Variants in FHOD3 observed in about 807,000 individuals in gnomAD.
FHOD3 encodes formin homology 2 domain containing 3.
In FHOD3, 90 loss-of-function variants were observed where a neutral mutation model predicts 173.0. The observed-to-expected ratio is 0.52, with a 90% CI of 0.44 to 0.62. The LOEUF (loss-of-function observed/expected upper bound fraction) is 0.62, where lower values mean the gene tolerates loss of function less well. Among genes scored for constraint, FHOD3 ranks in the 20% least tolerant of loss-of-function variants. The pLI, the probability that FHOD3 is intolerant of heterozygous loss-of-function variation, is 0.00. For synonymous variants in FHOD3, 828 were observed against 823.0 expected, an observed-to-expected ratio of 1.01 and a Z score of -0.10; for missense variants, 1,945 against 2,034.7, an observed-to-expected ratio of 0.96 and a Z score of 0.85.
At chr18:36,377,657 G>A (rs1242695243) in intron 3 of FHOD3, among the ~76,000 whole-genome samples, 1 of 152,158 alleles carries the variant, frequency 6.6e-6, no homozygotes, top group Admixed American at 6.5e-5. Context: ...GTGTGCTCGG[G>A]CACCTGGCCC....
intron 14 of FHOD3, among the ~76,000 whole-genome samples, chr18:36,663,107 T>G (rs2036922342): frequency 6.6e-6 from 1 of 152,240 alleles, no homozygotes; most frequent in Non-Finnish European, 1.5e-5. Flanking sequence ...TGATTTTGTG[T>G]TCCTACTGAA....
At chr18:36,503,327 A>G (rs1274525964) in intron 4 of FHOD3, among the ~76,000 whole-genome samples, 1 of 152,132 alleles carries the variant, frequency 6.6e-6, no homozygotes, top group African/African-American at 2.4e-5. Context: ...ACTTCTTTTC[A>G]GTTCCCATCT....
At chr18:36,732,647 G>A (rs367691949) in intron 20 of FHOD3, among the ~76,000 whole-genome samples, 56 of 152,310 alleles carry the variant, frequency 3.7e-4, no homozygotes, top group African/African-American at 1.1e-3. Context: ...ACGGCAGACC[G>A]GAGCAGGGGA....
intron 3 of FHOD3, among the ~76,000 whole-genome samples, chr18:36,379,011 C>T (rs2047599713): frequency 6.6e-6 from 1 of 152,168 alleles, no homozygotes; most frequent in Non-Finnish European, 1.5e-5. Context: ...TGCTGGGAAC[C>T]ATTCAGTTCT....
intron 13 of FHOD3, among the ~76,000 whole-genome samples, chr18:36,654,808 T>C (rs1255056081): frequency 6.6e-6 from 1 of 152,204 alleles, no homozygotes; most frequent in African/African-American, 2.4e-5. Flanking sequence ...GGAGATCTTA[T>C]AGCACAAAGC....
intron 5 of FHOD3, among the ~76,000 whole-genome samples, chr18:36,529,445 A>AT (rs140121931): frequency 0.33 from 49,412 of 151,924 alleles, 9,043 homozygotes; most frequent in Non-Finnish European, 0.42. Context: ...TTGCTGTCTG[A>AT]TTTTTTCTTT....
intron 10 of FHOD3, among the ~76,000 whole-genome samples, chr18:36,636,007 T>C (rs2034855833): frequency 6.6e-6 from 1 of 152,202 alleles, no homozygotes; most frequent in African/African-American, 2.4e-5. Flanking sequence ...ACAAGCTGTT[T>C]ACTATGGGAA....
At chr18:36,701,203 A>G (rs1285568506) in intron 17 of FHOD3, among the ~76,000 whole-genome samples, 1 of 152,240 alleles carries the variant, frequency 6.6e-6, no homozygotes, top group Non-Finnish European at 1.5e-5. Flanking sequence ...CTACCCAGGA[A>G]GAAATTTATT....
At chr18:36,336,036 G>A (rs2045291302) in intron 1 of FHOD3, among the ~76,000 whole-genome samples, 4 of 152,168 alleles carry the variant, frequency 2.6e-5, no homozygotes, top group Admixed American at 6.5e-5. Flanking sequence ...CACATCTGGT[G>A]CTGCAGTGTC....
intron 3 of FHOD3, among the ~76,000 whole-genome samples, chr18:36,465,176 A>G (rs2052835343): frequency 1.3e-5 from 2 of 152,044 alleles, no homozygotes; most frequent in African/African-American, 2.4e-5. Context: ...AAAAATACAA[A>G]AATTAGCTGG....
Position 36,718,596 on chromosome 18 carries a change from T to C in FHOD3, c.3298T>C (p.Cys1100Arg), listed in dbSNP as rs755445775. Residue 1100 changes from cysteine (C) to arginine (R), a missense_variant, in exon 19 of 29, where the codon TGT becomes CGT. This residue lies in a region of FHOD3 where 231 missense variants were observed against 321.9 expected (regional missense o/e 0.72). Coordinates refer to ENST00000590592, the MANE Select transcript of FHOD3 (RefSeq NM_001281740.3). ...TGAAGTTCGGCCTTTTGACTGGCCA[T>C]GTAAAAACAACCGACGCTGCAGAGA... is the stretch of plus-strand genomic sequence containing the variant. ...WNEVRPFDWPCKNNRRCREFL... is the reference protein window; with the variant it reads ...WNEVRPFDWPRKNNRRCREFL... 1 of 1,614,182 alleles carries C rather than the reference T, an allele frequency of 6.2e-7. No homozygotes were observed. Among genetic ancestry groups the C allele is most frequent in the Non-Finnish European group, 8.5e-7 (1 of 1,180,032 alleles).
chr18:36,343,882 A>G (rs1047535172), intron 1 of FHOD3, among the ~76,000 whole-genome samples: 34 of 152,346 alleles, frequency 2.2e-4, no homozygotes, highest in Non-Finnish European at 3.4e-4. Flanking sequence ...GCAAATCTAT[A>G]GAGACAGAAA....
intron 3 of FHOD3, among the ~76,000 whole-genome samples, chr18:36,441,510 G>A (rs966468449): frequency 1.3e-5 from 2 of 152,204 alleles, no homozygotes; most frequent in African/African-American, 4.8e-5. Context: ...GCTTCAGGAG[G>A]TTTTCTAGGA....
chr18:36,520,852 A>AT (rs1169340579), intron 5 of FHOD3, among the ~76,000 whole-genome samples: 1 of 152,144 alleles, frequency 6.6e-6, no homozygotes, highest in Admixed American at 6.5e-5. Flanking sequence ...TTCATCAGGA[A>AT]TTTTTCCACT....
chr18:36,663,643 A>G (rs559288300), intron 14 of FHOD3, among the ~76,000 whole-genome samples: 12 of 152,354 alleles, frequency 7.9e-5, no homozygotes, highest in South Asian at 4.1e-4. Flanking sequence ...GCTCTCTCTT[A>G]TGGGAATCTC....
intron 2 of FHOD3, among the ~76,000 whole-genome samples, chr18:36,367,683 G>C (rs1410053101): frequency 1.3e-5 from 2 of 152,042 alleles, no homozygotes; most frequent in Non-Finnish European, 2.9e-5. Flanking sequence ...TATTAGTCAG[G>C]GTTCTCCAGA....
At chr18:36,608,944 A>T (rs765458143) in intron 8 of FHOD3, among the ~76,000 whole-genome samples, 2 of 152,240 alleles carry the variant, frequency 1.3e-5, no homozygotes, top group Non-Finnish European at 2.9e-5. Flanking sequence ...TGGCTTCCAC[A>T]GATAGAGCTG....
intron 10 of FHOD3, among the ~76,000 whole-genome samples, chr18:36,628,617 G>T (rs939760425): frequency 6.6e-6 from 1 of 152,114 alleles, no homozygotes; most frequent in Non-Finnish European, 1.5e-5. Flanking sequence ...CAAGTTTATT[G>T]GTCATTGGTC....
chr18:36,441,326 C>T (rs1463547538), intron 3 of FHOD3, among the ~76,000 whole-genome samples: 1 of 152,166 alleles, frequency 6.6e-6, no homozygotes, highest in Non-Finnish European at 1.5e-5. Context: ...GGCATGAACC[C>T]TGCTTTCTGA....
Sources: gnomAD v4.1 joint callset for allele counts (sites outside exome capture counted in the v4.1 genomes callset) on GRCh38, gnomAD v4.1.1 for gene constraint, gnomAD v4.1.1 regional missense constraint, MANE v1.5 for transcripts, NCBI Gene and HGNC (gene_info 2026-07-23, HGNC 2026-07-21) for gene names.